TRNT1: variants seen among roughly 807,000 people sequenced by gnomAD.
TRNT1 encodes CCA tRNA nucleotidyltransferase 1, mitochondrial.
In TRNT1, 44 loss-of-function variants were observed where a neutral mutation model predicts 45.6. The ratio of observed to expected loss-of-function variants is 0.97; its 90% CI spans 0.76 to 1.24. TRNT1 has a LOEUF of 1.24. Among genes scored for constraint, TRNT1 ranks in the 50% most tolerant of loss-of-function variants. The pLI, the probability that TRNT1 is intolerant of heterozygous loss-of-function variation, is 0.00. For missense variants in TRNT1, 633 were observed against 504.4 expected, an observed-to-expected ratio of 1.25 and a Z score of -2.44; for synonymous variants, 201 against 171.4, an observed-to-expected ratio of 1.17 and a Z score of -1.35.
chr3:3,140,908 C>T (rs185306612), intron 4 of TRNT1, among the ~76,000 whole-genome samples: 8 of 152,274 alleles, frequency 5.3e-5, no homozygotes, highest in Admixed American at 2.0e-4. Flanking sequence ...CGGTGAAACC[C>T]CATCTCTACT....
chr3:3,147,344 C>A (rs1192227613), intron 6 of TRNT1, 106 bp from the exon 7 acceptor site: 14 of 1,277,830 alleles, frequency 1.1e-5, no homozygotes, highest in Admixed American at 2.1e-5. Flanking sequence ...TATAATGTAT[C>A]CTAGTGACAA....
chr3:3,128,725 G>C lies in TRNT1; in HGVS notation c.-27-289G>C, dbSNP rs334774. ...CTAGCCTTGTTTAAGGGCACTGGCT[G>C]GCTCTTTCAGCTTTTAATATGTAAC... is the stretch of plus-strand genomic sequence containing the variant. On this transcript the variant is annotated intron_variant, in intron 1 of 7. Coordinates refer to ENST00000251607, the MANE Select transcript of TRNT1 (RefSeq NM_182916.3). 0.51 allele frequency among the ~76,000 whole-genome samples: 77,331 copies of C among 151,896 alleles called. 21,908 individuals are homozygous for C. The highest frequency in any genetic ancestry group is 0.7 in the Middle Eastern group (205 of 294).
At chr3:3,145,347 C>G (rs1242296724) in intron 5 of TRNT1, 1 of 151,878 alleles carries the variant, frequency 6.6e-6, no homozygotes, top group Non-Finnish European at 1.5e-5. Flanking sequence ...ACTAAAAATA[C>G]AAAAAATTAG....
chr3:3,132,652 T>A (rs1705073183), intron 2 of TRNT1, among the ~76,000 whole-genome samples: 1 of 109,518 alleles, frequency 9.1e-6, no homozygotes, highest in African/African-American at 3.6e-5. Flanking sequence ...CTGCACAATG[T>A]GCACATGTAC....
At chr3:3,133,779 G>A (rs1483322368) in intron 2 of TRNT1, among the ~76,000 whole-genome samples, 3 of 152,044 alleles carry the variant, frequency 2.0e-5, no homozygotes, top group African/African-American at 4.8e-5. Flanking sequence ...CTCTCTTGAA[G>A]TCCGGAGCTC....
chr3:3,150,730 A>G (rs1469247153), downstream of TRNT1: 3 of 881,954 alleles, frequency 3.4e-6, no homozygotes, highest in Non-Finnish European at 5.1e-6. Context: ...AGAAACTGCA[A>G]CCCTCCAAGT....
chr3:3,146,039 C>G (rs988355942), intron 5 of TRNT1, among the ~76,000 whole-genome samples: 1 of 150,288 alleles, frequency 6.7e-6, no homozygotes, highest in African/African-American at 2.5e-5. Flanking sequence ...TGTTAAGGCA[C>G]TGCAGTCTTG....
chr3:3,136,154 G>A (rs1705315091), intron 2 of TRNT1, among the ~76,000 whole-genome samples: 1 of 152,162 alleles, frequency 6.6e-6, no homozygotes, highest in South Asian at 2.1e-4. Flanking sequence ...CATGTTTCGT[G>A]TATGTTTAGG....
downstream of TRNT1, chr3:3,152,634 A>G (rs2126051472): frequency 6.2e-7 from 1 of 1,608,490 alleles, no homozygotes; most frequent in East Asian, 2.2e-5. Flanking sequence ...CGAGAAGTCT[A>G]ATTTTATTAA....
chr3:3,150,113 TG>T (rs893769613), downstream of TRNT1: 1 of 152,182 alleles, frequency 6.6e-6, no homozygotes, highest in African/African-American at 2.4e-5. Flanking sequence ...GGACATGTTT[TG>T]GCATCTTTTC....
chr3:3,135,751 G>C (rs1187668985), intron 2 of TRNT1, among the ~76,000 whole-genome samples: 1 of 152,150 alleles, frequency 6.6e-6, no homozygotes, highest in East Asian at 1.9e-4. Flanking sequence ...CTGGAACTTT[G>C]ATGTATGATG....
chr3:3,143,890 G>A (rs1049810807), intron 4 of TRNT1, among the ~76,000 whole-genome samples: 1 of 152,144 alleles, frequency 6.6e-6, no homozygotes, highest in Non-Finnish European at 1.5e-5. Context: ...GACTAAGGTT[G>A]AAAATCTTCA....
In TRNT1 at chr3:3,137,242, T is replaced by G; in HGVS notation, c.149-18T>G. On this transcript the variant is annotated intron_variant, in intron 2 of 7. Coordinates refer to ENST00000251607, the MANE Select transcript of TRNT1 (RefSeq NM_182916.3). ...ATAAAGAACTTGGGAATAAAAATCT[T>G]ATTTTCTCTCATCTCAGAATTATTT... 6.4e-7 allele frequency: 1 copy of G among 1,555,698 alleles called. No homozygotes were observed. The highest frequency in any genetic ancestry group is 8.7e-7 in the Non-Finnish European group (1 of 1,154,018).
intron 3 of TRNT1, 25 bp from the exon 4 acceptor site, chr3:3,140,485 A>G (rs1377423173): frequency 6.2e-7 from 1 of 1,605,692 alleles, no homozygotes; most frequent in African/African-American, 1.3e-5. Context: ...AAATGACAAC[A>G]AAAACCCCAT....
intron 2 of TRNT1, chr3:3,129,780 A>G (rs1020517235): frequency 1.5e-6 from 2 of 1,294,924 alleles, no homozygotes; most frequent in Non-Finnish European, 2.2e-6. Context: ...CTGTTACGTG[A>G]AAAAGGAAAC....
chr3:3,150,229 A>G (rs931920801), downstream of TRNT1: 1 of 152,574 alleles, frequency 6.6e-6, no homozygotes, highest in African/African-American at 2.4e-5. Flanking sequence ...ACACAATACT[A>G]CTTTTTACTA....
chr3:3,150,753 A>C, downstream of TRNT1: 2 of 1,019,044 alleles, frequency 2.0e-6, no homozygotes, highest in Non-Finnish European at 1.5e-6. Flanking sequence ...TGTTATGTTT[A>C]CTTAGGTATT....
intron 2 of TRNT1, among the ~76,000 whole-genome samples, chr3:3,134,630 CTTTA>C (rs1705215410): frequency 6.6e-6 from 1 of 151,968 alleles, no homozygotes; most frequent in Admixed American, 6.6e-5. Context: ...AAAACTTGTC[CTTTA>C]TTTGCTTGAA....
intron 4 of TRNT1, 90 bp from the exon 5 acceptor site, chr3:3,144,494 C>G: frequency 8.0e-7 from 1 of 1,255,194 alleles, no homozygotes; most frequent in Non-Finnish European, 1.1e-6. Flanking sequence ...TGAATTTTTA[C>G]TGTTTGTGAT....
Sources: allele counts gnomAD v4.1 joint callset (sites outside exome capture counted in the v4.1 genomes callset), GRCh38; gene constraint gnomAD v4.1.1; transcripts MANE v1.5; gene names NCBI Gene and HGNC (gene_info 2026-07-23, HGNC 2026-07-21).